Variants in CRYBG3 observed in about 807,000 individuals in gnomAD.
The protein encoded by CRYBG3 is crystallin beta-gamma domain containing 3.
In CRYBG3, 127 loss-of-function variants were observed where a neutral mutation model predicts 244.2. The observed-to-expected ratio is 0.52, with a 90% CI of 0.45 to 0.60. The LOEUF is 0.60. CRYBG3 is among the 20% of genes least tolerant of loss of function. CRYBG3 has a pLI of 0.00. For missense variants in CRYBG3, 3,325 were observed against 3,442.5 expected, an observed-to-expected ratio of 0.97 and a Z score of 0.85; for synonymous variants, 1,132 against 1,195.8, an observed-to-expected ratio of 0.95 and a Z score of 1.10.
chr3:97,851,978 G>A (rs1269791137), intron 2 of CRYBG3, among the ~76,000 whole-genome samples: 14 of 152,164 alleles, frequency 9.2e-5, no homozygotes, highest in African/African-American at 4.8e-5. Context: ...TAACAAGTGG[G>A]AATTTTAAAC....
At chr3:97,827,952 C>G (rs1488252603) in intron 1 of CRYBG3, among the ~76,000 whole-genome samples, 2 of 152,194 alleles carry the variant, frequency 1.3e-5, no homozygotes, top group African/African-American at 4.8e-5. Context: ...TGGCATGCAG[C>G]TGGACATCTG....
chr3:97,918,976 A>T (rs1453188557), intron 17 of CRYBG3, among the ~76,000 whole-genome samples: 1 of 152,204 alleles, frequency 6.6e-6, no homozygotes, highest in Admixed American at 6.6e-5. Context: ...AGGCAGGGGA[A>T]TAGACTCTCA....
Position 97,876,085 on chromosome 3 carries a change from A to G in CRYBG3, c.4891A>G (p.Ile1631Val), listed in dbSNP as rs2039367934. ...AYKMKDTEGD[I>V]GKIEVIPMMP... is the part of the protein sequence containing the mutation. ...TAAGATGAAGGATACTGAAGGGGATATTGGCAAAATTGAGGTGATACCTAT... is the reference window on the plus strand; with the variant it reads ...TAAGATGAAGGATACTGAAGGGGATGTTGGCAAAATTGAGGTGATACCTAT... Residue 1631 changes from isoleucine to valine, a missense_variant, in exon 4 of 22, where the codon ATT becomes GTT. Physicochemically the swap from Ile to Val is conservative, Grantham distance 29. Transcript: ENST00000389622. 13 of 1,232,096 alleles carry G rather than the reference A, an allele frequency of 1.1e-5. No homozygotes were observed. Among genetic ancestry groups the G allele is most frequent in the Admixed American group, 4.2e-5 (1 of 23,706 alleles). The allele number at this position is 1,232,096 out of a possible 1,614,324, so 76.3% of individuals were successfully genotyped here. A position where few individuals can be genotyped will look rare whatever the true frequency, so the allele number is the denominator to read the frequency against.
In CRYBG3 at chr3:97,912,206, A is replaced by G. The variant is rs774522115; in HGVS notation, c.8044A>G (p.Ile2682Val). ...FSKPGFQGECIDFTEETSDLT... is the reference protein window; with the variant it reads ...FSKPGFQGECVDFTEETSDLT... ...CAAACCAGGGTTCCAAGGTGAATGT[A>G]TAGATTTTACAGAAGAAACTTCTGA... The change falls in exon 16 of 22, where the codon ATA (isoleucine) becomes GTA (valine). Residue 2682 changes from isoleucine (I) to valine (V), a missense_variant. Transcript: ENST00000389622. 2.5e-6 allele frequency: 4 copies of G among 1,607,616 alleles called. No individual in the cohort carries two copies. In the Admixed American group the frequency reaches 5.1e-5, roughly 20 times the overall value.
Position 97,941,256 on chromosome 3 carries a change from G to A in CRYBG3, c.8614G>A (p.Gly2872Arg). The change falls in exon 20 of 22, where the codon GGA becomes AGA. Residue 2872 changes from glycine (G) to arginine (R), a missense_variant. Gly to Arg is a moderately radical substitution (Grantham distance 125). This residue lies in a region of CRYBG3 where 714 missense variants were observed against 803.6 expected (regional missense o/e 0.89). Transcript: ENST00000389622. Reference protein sequence around the residue: ...ATSVCISPYSGKNTQIWYYCR... With the variant: ...ATSVCISPYSRKNTQIWYYCR... The stretch of plus-strand genomic sequence containing the variant: ...ATCTGTGTGCATTTCTCCCTATAGT[G>A]GAAAGAATACTCAGATCTGGTACTA... The A allele has an allele frequency of 6.2e-7, 1 of 1,611,394 alleles. No homozygotes were observed. Among genetic ancestry groups the A allele is most frequent in the Non-Finnish European group, 8.5e-7 (1 of 1,178,140 alleles).
intron 15 of CRYBG3, among the ~76,000 whole-genome samples, chr3:97,905,314 G>A (rs1160659907): frequency 2.0e-5 from 3 of 151,630 alleles, no homozygotes; most frequent in Admixed American, 6.6e-5. Context: ...CTGAGGAATC[G>A]CCACACTGAC....
At chr3:97,839,080 T>C (rs546383170) in intron 1 of CRYBG3, among the ~76,000 whole-genome samples, 21 of 152,154 alleles carry the variant, frequency 1.4e-4, no homozygotes, top group Non-Finnish European at 2.2e-4. Context: ...TGCGTACATG[T>C]GATTTTGAAT....
rs1178955475 is a variant in CRYBG3, at chr3:97,875,949, T to G, written c.4755T>G (p.Thr1585=). The part of the protein sequence containing the change: ...KMDAELNVTK[T]EPKANVFKMG... Reference sequence around the variant, plus strand: ...ATGCTGAATTGAATGTCACGAAAACTGAGCCAAAAGCTAATGTTTTTAAAA... The same window carrying G: ...ATGCTGAATTGAATGTCACGAAAACGGAGCCAAAAGCTAATGTTTTTAAAA... The change falls in exon 4 of 22, where the codon ACT becomes ACG. Residue 1585 remains threonine (T), a synonymous_variant. Coordinates refer to ENST00000389622, the MANE Select transcript of CRYBG3 (RefSeq NM_153605.4). The G allele has an allele frequency of 2.4e-6, 3 of 1,231,924 alleles. No individual in the cohort carries two copies. The highest frequency in any genetic ancestry group is 6.3e-5 in the East Asian group (2 of 31,706). 76.3% of individuals were successfully genotyped at this position (1,231,924 alleles called of 1,614,324 possible).
Position 97,874,918 on chromosome 3 carries a change from G to A in CRYBG3, c.3724G>A (p.Asp1242Asn), listed in dbSNP as rs1162981950. The A allele has an allele frequency of 6.5e-7, 1 of 1,535,546 alleles. No homozygotes were observed. The highest frequency in any genetic ancestry group is 1.2e-5 in the South Asian group (1 of 83,944). ...AATGAATCTGGGTACCCTGAAAGAA[G>A]ACATCTCTGAGAAAAACCCATCAGA... ...GIMNLGTLKE[D>N]ISEKNPSEVT... The change falls in exon 4 of 22, where the codon GAC becomes AAC. Residue 1242 changes from aspartate to asparagine, a missense_variant. Around this residue, in one of 4 missense-constraint regions of CRYBG3, gnomAD observed 1,526 missense variants for 1,443.2 expected, o/e 1.06. Coordinates refer to ENST00000389622, the MANE Select transcript of CRYBG3 (RefSeq NM_153605.4).
At chr3:97,922,506 C>G (rs888281150) in intron 17 of CRYBG3, among the ~76,000 whole-genome samples, 1 of 152,108 alleles carries the variant, frequency 6.6e-6, no homozygotes. Context: ...AATCAAACAA[C>G]CCCATCAAAA....
At chr3:97,916,777 A>G (rs1273131665) in intron 17 of CRYBG3, among the ~76,000 whole-genome samples, 1 of 152,142 alleles carries the variant, frequency 6.6e-6, no homozygotes, top group African/African-American at 2.4e-5. Context: ...GTCTTGGCTG[A>G]GAACAAGAAT....
At chr3:97,830,278 C>T (rs2038637272) in intron 1 of CRYBG3, among the ~76,000 whole-genome samples, 1 of 152,098 alleles carries the variant, frequency 6.6e-6, no homozygotes, top group Non-Finnish European at 1.5e-5. Flanking sequence ...TATAAAACCA[C>T]TTTCAGTGCT....
chr3:97,899,656 A>G (rs1029601886), intron 14 of CRYBG3, among the ~76,000 whole-genome samples: 2 of 152,216 alleles, frequency 1.3e-5, no homozygotes, highest in Non-Finnish European at 2.9e-5. Flanking sequence ...GGAGCAGGGA[A>G]AAGGAACAAT....
chr3:97,852,330 C>T (rs1052630114), intron 2 of CRYBG3, among the ~76,000 whole-genome samples: 1 of 152,112 alleles, frequency 6.6e-6, no homozygotes, highest in Non-Finnish European at 1.5e-5. Context: ...GAATGGTTTT[C>T]AGGAAGAGAT....
intron 18 of CRYBG3, among the ~76,000 whole-genome samples, 174 bp from the exon 19 acceptor site, chr3:97,936,611 G>C (rs2040166233): frequency 6.6e-6 from 1 of 152,066 alleles, no homozygotes; most frequent in African/African-American, 2.4e-5. Flanking sequence ...TCTGAGTCTA[G>C]GCCAGTGGGT....
chr3:97,905,841 T>A (rs1096623), intron 15 of CRYBG3, among the ~76,000 whole-genome samples: 29,758 of 56,050 alleles, frequency 0.53, 8,598 homozygotes, highest in East Asian at 0.67. Flanking sequence ...CTGAATGGTA[T>A]TGCCTAGGTT....
At chr3:97,833,429 A>G (rs1297156634) in intron 1 of CRYBG3, among the ~76,000 whole-genome samples, 3 of 152,106 alleles carry the variant, frequency 2.0e-5, no homozygotes, top group Non-Finnish European at 4.4e-5. Context: ...GAATGAAGCT[A>G]GAAACCATCA....
At position 97,875,033 on chromosome 3, in the gene CRYBG3, C is replaced by T; in HGVS notation, c.3839C>T (p.Ser1280Leu). The change falls in exon 4 of 22, where the codon TCA becomes TTA. Residue 1280 changes from serine (S) to leucine (L), a missense_variant. By Grantham distance (145) the Ser-to-Leu change is moderately radical. Coordinates refer to ENST00000389622, the MANE Select transcript of CRYBG3 (RefSeq NM_153605.4). ...MSEVKEKPCV[S>L]PTVGEKNLLV... The stretch of plus-strand genomic sequence containing the variant: ...GAAGTCAAAGAGAAGCCCTGTGTTT[C>T]ACCAACAGTTGGTGAGAAGAATCTT... 6.5e-7 allele frequency: 1 copy of T among 1,535,256 alleles called. No homozygotes were observed. The highest frequency in any genetic ancestry group is 8.7e-7 in the Non-Finnish European group (1 of 1,146,584).
At chr3:97,828,976 G>A (rs1025745403) in intron 1 of CRYBG3, among the ~76,000 whole-genome samples, 1 of 152,050 alleles carries the variant, frequency 6.6e-6, no homozygotes, top group African/African-American at 2.4e-5. Flanking sequence ...ACTTATTTTG[G>A]GGGTATGGGG....
Sources: allele counts gnomAD v4.1 joint callset (sites outside exome capture counted in the v4.1 genomes callset), GRCh38; gene constraint gnomAD v4.1.1; regional missense constraint gnomAD v4.1.1; transcripts MANE v1.5; gene names NCBI Gene and HGNC (gene_info 2026-07-23, HGNC 2026-07-21).